The following LRRC27 variants were observed in gnomAD, a reference collection of about 807,000 sequenced individuals.
LRRC27 encodes the protein leucine rich repeat containing 27.
LRRC27 carries 57 observed loss-of-function variants against 55.0 expected under a neutral mutation model. That is an observed-to-expected ratio of 1.04 (90% CI 0.84 to 1.29). The LOEUF (loss-of-function observed/expected upper bound fraction) is 1.29, where lower values mean the gene tolerates loss of function less well. LRRC27 is among the 50% of genes most tolerant of loss of function. The pLI is 0.00. For missense variants in LRRC27, 721 were observed against 651.5 expected (o/e 1.11, Z -1.16); for synonymous variants, 278 against 251.9 (o/e 1.10, Z -0.98).
At chr10:132,331,802 G>A (rs762276894), upstream of LRRC27, 19 of 1,597,012 alleles carry the variant, frequency 1.2e-5, no homozygotes, top group Non-Finnish European at 1.6e-5. Flanking sequence ...GTCTCTACTT[G>A]CCCGTCGACC....
intron 8 of LRRC27, among the ~76,000 whole-genome samples, chr10:132,361,042 C>G (rs2068590775): frequency 6.6e-6 from 1 of 152,220 alleles, no homozygotes; most frequent in Admixed American, 6.5e-5. Context: ...CCCAGGTCTC[C>G]CTGGTTCTGG....
At chr10:132,334,151 C>T (rs543895497) in intron 2 of LRRC27, among the ~76,000 whole-genome samples, 8 of 152,326 alleles carry the variant, frequency 5.3e-5, no homozygotes, top group South Asian at 2.1e-4. Flanking sequence ...GGCCCTTCTC[C>T]GGGTCAGTCC....
chr10:132,375,041 T>A, intron 10 of LRRC27, 25 bp from the exon 11 acceptor site: 1 of 1,593,848 alleles, frequency 6.3e-7, no homozygotes, highest in East Asian at 2.3e-5. Context: ...CTTTCTAACA[T>A]CTCCCCCTCC....
chr10:132,336,376 ACCGAG>A (rs1564820038), intron 2 of LRRC27, among the ~76,000 whole-genome samples: 1 of 152,198 alleles, frequency 6.6e-6, no homozygotes, highest in African/African-American at 2.4e-5. Flanking sequence ...CTTTCTGGAG[ACCGAG>A]CCAGCTGCCA....
intron 8 of LRRC27, among the ~76,000 whole-genome samples, 157 bp downstream of exon 8, chr10:132,356,043 G>GGGT (rs1293817302): frequency 5.9e-5 from 9 of 152,170 alleles, no homozygotes; most frequent in Non-Finnish European, 1.2e-4. Context: ...TGAGACTTGG[G>GGGT]GAGGAAGCTG....
At chr10:132,361,930 C>G (rs2068638540) in intron 9 of LRRC27, among the ~76,000 whole-genome samples, 1 of 152,158 alleles carries the variant, frequency 6.6e-6, no homozygotes, top group African/African-American at 2.4e-5. Flanking sequence ...CGTGCCCTCC[C>G]CACCTCACCG....
intron 10 of LRRC27, among the ~76,000 whole-genome samples, chr10:132,368,146 G>A (rs538313907): frequency 6.6e-6 from 1 of 152,238 alleles, no homozygotes; most frequent in African/African-American, 2.4e-5. Context: ...CTAACAAAAT[G>A]TATACAAAAT....
chr10:132,375,343 C>A lies in LRRC27; in HGVS notation c.*101C>A. 1 of 1,100,626 alleles carries A rather than the reference C, an allele frequency of 9.1e-7. No individual in the cohort carries two copies. Among genetic ancestry groups the A allele is most frequent in the Non-Finnish European group, 1.3e-6 (1 of 772,880 alleles). The allele number at this position is 1,100,626 out of a possible 1,614,324, so 68.2% of individuals were successfully genotyped here. On this transcript the variant is annotated 3_prime_UTR_variant, in exon 11 of 11. Transcript: ENST00000368614. ...TGTGGTGCCGGAAGAGCGCCAGGTT[C>A]AGTGTTACCCTGAGGGCTGATTTCG...
Position 132,333,647 on chromosome 10 carries a change from C to T in LRRC27, c.123C>T (p.Gly41=). 1 of 1,613,558 alleles carries T rather than the reference C, an allele frequency of 6.2e-7. No individual in the cohort carries two copies. Among genetic ancestry groups the T allele is most frequent in the East Asian group, 2.2e-5 (1 of 44,884 alleles). ...AAGATGTTCACAAGGGTGTTGGAGG[C>T]ATCATCTTTTCCTCCTCACCGATTT... ...PSKDVHKGVG[G]IIFSSSPILD... is the part of the protein sequence containing the mutation. The change falls in exon 2 of 11, where the codon GGC becomes GGT. Residue 41 remains glycine (G), a synonymous_variant. Coordinates refer to ENST00000368614, the MANE Select transcript of LRRC27 (RefSeq NM_030626.3).
At chr10:132,371,175 C>T (rs1313929157) in intron 10 of LRRC27, among the ~76,000 whole-genome samples, 4 of 152,266 alleles carry the variant, frequency 2.6e-5, no homozygotes, top group African/African-American at 7.2e-5. Flanking sequence ...CGCAGTGCCG[C>T]GCATGGCGTG....
At chr10:132,371,000 G>T (rs1374780450) in intron 10 of LRRC27, among the ~76,000 whole-genome samples, 2 of 152,272 alleles carry the variant, frequency 1.3e-5, no homozygotes, top group Non-Finnish European at 2.9e-5. Flanking sequence ...CTCCGTGGCT[G>T]TGTGGCCCAC....
In LRRC27 at chr10:132,351,670, C is replaced by G. The variant is rs766537617; in HGVS notation, c.990C>G (p.Ile330Met). 3.6e-5 allele frequency: 58 copies of G among 1,613,974 alleles called. No homozygotes were observed. Among genetic ancestry groups the G allele is most frequent in the Non-Finnish European group, 4.7e-5 (55 of 1,180,026 alleles). Residue 330 changes from isoleucine to methionine, a missense_variant, in exon 7 of 11, where the codon ATC (isoleucine) becomes ATG (methionine). Physicochemically the swap from Ile to Met is conservative, Grantham distance 10 (BLOSUM62 1). Transcript: ENST00000368614. Reference sequence around the variant, plus strand: ...TCTTGTCACCGTACCAAATGGCGATCCGAGCAAAAAGACTGGAAGAGAGCC... The same window carrying G: ...TCTTGTCACCGTACCAAATGGCGATGCGAGCAAAAAGACTGGAAGAGAGCC... ...PDLLSPYQMAIRAKRLEESRA... is the reference protein window; with the variant it reads ...PDLLSPYQMAMRAKRLEESRA...
At chr10:132,336,219 G>A (rs112354766) in intron 2 of LRRC27, among the ~76,000 whole-genome samples, 6 of 152,296 alleles carry the variant, frequency 3.9e-5, no homozygotes, top group South Asian at 2.1e-4. Flanking sequence ...CTTGCCCTGG[G>A]GGGGGAAGAA....
At chr10:132,359,969 C>T (rs1400841746) in intron 8 of LRRC27, among the ~76,000 whole-genome samples, 1 of 152,076 alleles carries the variant, frequency 6.6e-6, no homozygotes, top group East Asian at 1.9e-4. Context: ...GCTGGATGTT[C>T]GAAAAAGTCT....
At chr10:132,336,432 A>G (rs1214973878) in intron 2 of LRRC27, among the ~76,000 whole-genome samples, 1 of 152,224 alleles carries the variant, frequency 6.6e-6, no homozygotes, top group Non-Finnish European at 1.5e-5. Flanking sequence ...GAGATAAGAT[A>G]GTGTTTCCAG....
chr10:132,341,220 C>G (rs1291832864), intron 3 of LRRC27, among the ~76,000 whole-genome samples: 1 of 151,754 alleles, frequency 6.6e-6, no homozygotes, highest in East Asian at 1.9e-4. Context: ...TTAGTCTCAG[C>G]TTAGCCAGGC....
chr10:132,361,609 G>C (rs984657651), intron 9 of LRRC27, 34 bp downstream of exon 9: 1 of 1,502,460 alleles, frequency 6.7e-7, no homozygotes. Flanking sequence ...AGTCCTTCCA[G>C]GGCTCAGCCA....
chr10:132,354,972 G>A (rs572657775), intron 7 of LRRC27, among the ~76,000 whole-genome samples: 2 of 152,378 alleles, frequency 1.3e-5, no homozygotes, highest in African/African-American at 4.8e-5. Context: ...AGCCGCAGAT[G>A]TGGGCGTTAC....
At chr10:132,365,353 G>A (rs536462071) in intron 9 of LRRC27, 71 bp from the exon 10 acceptor site, 1 of 1,571,230 alleles carries the variant, frequency 6.4e-7, no homozygotes, top group Admixed American at 1.7e-5. Flanking sequence ...TTTCTCCCTG[G>A]TTATGGCGGG....
Sources: allele counts gnomAD v4.1 joint callset (sites outside exome capture counted in the v4.1 genomes callset), GRCh38; gene constraint gnomAD v4.1.1; transcripts MANE v1.5; gene names NCBI Gene and HGNC (gene_info 2026-07-23, HGNC 2026-07-21).